LMNTD1: variants seen among roughly 807,000 people sequenced by gnomAD.
The protein encoded by LMNTD1 is lamin tail domain-containing protein 1.
In LMNTD1, 35 loss-of-function variants were observed where a neutral mutation model predicts 50.9. The observed-to-expected ratio is 0.69, with a 90% CI of 0.53 to 0.91. The LOEUF is 0.91. LMNTD1 is among the 40% of genes least tolerant of loss of function. The pLI is 0.00. For synonymous variants in LMNTD1, 153 were observed against 161.9 expected, an observed-to-expected ratio of 0.94 and a Z score of 0.42; for missense variants, 470 against 475.5, an observed-to-expected ratio of 0.99 and a Z score of 0.11.
At chr12:25,565,491 T>A (rs75056372) in intron 1 of LMNTD1, among the ~76,000 whole-genome samples, 1 of 152,334 alleles carries the variant, frequency 6.6e-6, no homozygotes. Context: ...TGCCTTAACT[T>A]TGTCCCCAAC....
At chr12:25,538,597 C>T (rs1385437951) in intron 4 of LMNTD1, among the ~76,000 whole-genome samples, 13 of 141,790 alleles carry the variant, frequency 9.2e-5, no homozygotes, top group Non-Finnish European at 1.4e-4. Context: ...AAGGAACAAC[C>T]GGTACCAGCC....
chr12:25,543,069 G>A (rs1358232040), intron 4 of LMNTD1, among the ~76,000 whole-genome samples: 1 of 151,866 alleles, frequency 6.6e-6, no homozygotes, highest in Non-Finnish European at 1.5e-5. Context: ...AACTACCCAA[G>A]CTTATTCAAG....
chr12:25,582,240 A>G (rs1290525667), intron 1 of LMNTD1, among the ~76,000 whole-genome samples: 1 of 152,150 alleles, frequency 6.6e-6, no homozygotes, highest in Non-Finnish European at 1.5e-5. Context: ...TCTGCTTCAC[A>G]TTTTCTACAG....
chr12:25,484,193 T>C (rs563107774), intron 9 of LMNTD1, among the ~76,000 whole-genome samples: 2 of 152,196 alleles, frequency 1.3e-5, no homozygotes, highest in African/African-American at 4.8e-5. Context: ...ATTATTTTTG[T>C]TTTTAAAATA....
intron 1 of LMNTD1, among the ~76,000 whole-genome samples, chr12:25,559,052 AATT>A (rs1944165220): frequency 1.3e-5 from 2 of 150,780 alleles, no homozygotes; most frequent in Admixed American, 6.6e-5. Context: ...TAATTATTAT[AATT>A]ATTATTATAC....
chr12:25,507,322 T>C (rs1939872004), intron 8 of LMNTD1, among the ~76,000 whole-genome samples: 1 of 152,254 alleles, frequency 6.6e-6, no homozygotes, highest in South Asian at 2.1e-4. Flanking sequence ...TCATTCTGTA[T>C]TCAAATTCAC....
chr12:25,640,464 C>T (rs1364512833), intron 1 of LMNTD1, among the ~76,000 whole-genome samples: 1 of 150,954 alleles, frequency 6.6e-6, no homozygotes, highest in African/African-American at 2.4e-5. Flanking sequence ...TGAGATTGCA[C>T]CACTGCACTC....
intron 1 of LMNTD1, among the ~76,000 whole-genome samples, chr12:25,618,075 TC>T (rs1946385188): frequency 2.6e-5 from 4 of 152,114 alleles, no homozygotes. Context: ...CTCAATTATT[TC>T]CCCAATCTCT....
At chr12:25,639,073 G>A (rs1592129469) in intron 1 of LMNTD1, among the ~76,000 whole-genome samples, 1 of 152,096 alleles carries the variant, frequency 6.6e-6, no homozygotes, top group Non-Finnish European at 1.5e-5. Context: ...AAAAAGAGTG[G>A]TGTTTTCAAC....
At chr12:25,521,787 G>A (rs79328265) in intron 6 of LMNTD1, among the ~76,000 whole-genome samples, 3,076 of 152,270 alleles carry the variant, frequency 0.02, 80 homozygotes, top group African/African-American at 0.058. Context: ...TAGAGCTAGA[G>A]ACATGGACAA....
intron 1 of LMNTD1, among the ~76,000 whole-genome samples, chr12:25,594,114 G>A (rs763726514): frequency 2.0e-5 from 3 of 152,184 alleles, no homozygotes; most frequent in Non-Finnish European, 4.4e-5. Context: ...AGGAAGAAGA[G>A]AAATCTAAAA....
chr12:25,624,598 C>T (rs899319288), intron 1 of LMNTD1, among the ~76,000 whole-genome samples: 5 of 152,222 alleles, frequency 3.3e-5, no homozygotes, highest in Admixed American at 6.5e-5. Flanking sequence ...GGAGTCATTG[C>T]CTATCATTTG....
Position 25,549,426 on chromosome 12 carries a change from A to G in LMNTD1, c.210T>C (p.Tyr70=). The change falls in exon 3 of 10, where the codon TAT becomes TAC. Residue 70 remains tyrosine, a synonymous_variant. Transcript: ENST00000458174. ...CTCTACTAATCTGAGGACTAGACAGATAGTAACCAAGAGGCATTCCACTGG... is the reference window on the plus strand; with the variant it reads ...CTCTACTAATCTGAGGACTAGACAGGTAGTAACCAAGAGGCATTCCACTGG... ...SNSSGMPLGY[Y]LSSPQISRVT... is the part of the protein sequence containing the mutation. The G allele has an allele frequency of 6.2e-7, 1 of 1,613,058 alleles. No individual in the cohort carries two copies. The highest frequency in any genetic ancestry group is 8.5e-7 in the Non-Finnish European group (1 of 1,179,172).
intron 9 of LMNTD1, among the ~76,000 whole-genome samples, chr12:25,494,807 C>T (rs1939006403): frequency 6.6e-6 from 1 of 152,068 alleles, no homozygotes; most frequent in African/African-American, 2.4e-5. Flanking sequence ...TTAATTCAAT[C>T]AAAATAACAT....
intron 4 of LMNTD1, among the ~76,000 whole-genome samples, chr12:25,534,751 T>A (rs1360029759): frequency 7.2e-5 from 11 of 152,200 alleles, no homozygotes; most frequent in African/African-American, 2.4e-4. Flanking sequence ...AAAAAGCTCA[T>A]AATTAATGGG....
chr12:25,635,761 C>T (rs6487499), intron 1 of LMNTD1, among the ~76,000 whole-genome samples: 93,578 of 152,046 alleles, frequency 0.62, 29,242 homozygotes, highest in Non-Finnish European at 0.68. Context: ...GCTACCAAAA[C>T]AGCATGGTAC....
At chr12:25,489,992 C>G (rs1938832056) in intron 9 of LMNTD1, among the ~76,000 whole-genome samples, 1 of 152,172 alleles carries the variant, frequency 6.6e-6, no homozygotes, top group African/African-American at 2.4e-5. Context: ...AGCTTAGTTT[C>G]TTTTTAAACT....
At chr12:25,632,485 A>G (rs1233398922) in intron 1 of LMNTD1, among the ~76,000 whole-genome samples, 1 of 152,216 alleles carries the variant, frequency 6.6e-6, no homozygotes. Context: ...GATTGAGGCC[A>G]TATCTTCAGC....
intron 1 of LMNTD1, among the ~76,000 whole-genome samples, chr12:25,599,497 G>A (rs1243999064): frequency 6.6e-6 from 1 of 151,980 alleles, no homozygotes; most frequent in Non-Finnish European, 1.5e-5. Flanking sequence ...AATTTGAAAG[G>A]AAGAAGTCAA....
Sources: gnomAD v4.1 joint callset for allele counts (sites outside exome capture counted in the v4.1 genomes callset) on GRCh38, gnomAD v4.1.1 for gene constraint, MANE v1.5 for transcripts, NCBI Gene and HGNC (gene_info 2026-07-23, HGNC 2026-07-21) for gene names.